The following SWT1 variants were observed in gnomAD, a reference collection of about 807,000 sequenced individuals.
SWT1 encodes the protein SWT1 RNA endoribonuclease homolog.
In SWT1, 33 loss-of-function variants were observed where a neutral mutation model predicts 107.3. That is an observed-to-expected ratio of 0.31 (90% CI 0.23 to 0.41). SWT1 has a LOEUF of 0.41. Ranked by LOEUF, SWT1 falls within the 10% of genes least tolerant of loss-of-function variation. SWT1 has a pLI of 1.00. For missense variants in SWT1, 898 were observed against 1,028.9 expected (o/e 0.87, Z 1.74); for synonymous variants, 345 against 348.3 (o/e 0.99, Z 0.11).
Position 185,231,631 on chromosome 1 carries a change from A to G in SWT1, c.2364A>G (p.Ile788Met), listed in dbSNP as rs2102570631. 1 of 1,604,390 alleles carries G rather than the reference A, an allele frequency of 6.2e-7. No individual in the cohort carries two copies. The highest frequency in any genetic ancestry group is 8.5e-7 in the Non-Finnish European group (1 of 1,171,578). Residue 788 changes from isoleucine to methionine, a missense_variant, in exon 16 of 19, where the codon ATA (isoleucine) becomes ATG (methionine). Transcript: ENST00000367500. ...ATTCAGCTCTGACTACTTCAAATAT[A>G]GCATCATTTGAAGAAGCATTTATAT... ...GSNSALTTSN[I>M]ASFEEAFICL...
chr1:185,167,613 A>G (rs769498181), intron 3 of SWT1, among the ~76,000 whole-genome samples: 5 of 152,144 alleles, frequency 3.3e-5, no homozygotes, highest in Non-Finnish European at 4.4e-5. Context: ...ATCTTTACTC[A>G]CTATTTGCCA....
chr1:185,243,402 A>ATCTG (rs1661381695), intron 16 of SWT1, among the ~76,000 whole-genome samples: 1 of 152,114 alleles, frequency 6.6e-6, no homozygotes, highest in African/African-American at 2.4e-5. Context: ...GAGCCACCAC[A>ATCTG]TCTGGCCTAG....
chr1:185,221,750 C>A, intron 14 of SWT1, 99 bp from the exon 15 acceptor site: 2 of 769,376 alleles, frequency 2.6e-6, no homozygotes, highest in Non-Finnish European at 2.0e-6. Flanking sequence ...GCCACCACTT[C>A]TCAGAAAGCT....
intron 16 of SWT1, among the ~76,000 whole-genome samples, chr1:185,242,947 G>C (rs900265576): frequency 3.3e-5 from 5 of 152,150 alleles, no homozygotes; most frequent in African/African-American, 1.2e-4. Flanking sequence ...AGAAGGGTCT[G>C]AATAAGGGCT....
At chr1:185,161,689 A>G (rs1467713045) in intron 2 of SWT1, among the ~76,000 whole-genome samples, 1 of 152,204 alleles carries the variant, frequency 6.6e-6, no homozygotes, top group Non-Finnish European at 1.5e-5. Flanking sequence ...TGACAGAGTG[A>G]GATCCTGTCT....
chr1:185,207,584 A>G (rs1355172163), intron 13 of SWT1, among the ~76,000 whole-genome samples: 1 of 152,374 alleles, frequency 6.6e-6, no homozygotes, highest in South Asian at 2.1e-4. Context: ...TTGTTCAAAT[A>G]ACTAGATTTG....
chr1:185,271,365 C>T lies in SWT1; in HGVS notation c.2484C>T (p.Leu828=), dbSNP rs1438783641. ...GTAATTATCAAGATGTTGAGACCCT[C>T]TATAACTTCCTAATCAAGTATGAGG... ...PNSNYQDVET[L]YNFLIKYEVN... is the part of the protein sequence containing the mutation. The change falls in exon 17 of 19, where the codon CTC becomes CTT. Residue 828 remains leucine (L), a synonymous_variant. Coordinates refer to ENST00000367500, the MANE Select transcript of SWT1 (RefSeq NM_017673.7). 1 of 1,510,478 alleles carries T rather than the reference C, an allele frequency of 6.6e-7. No homozygotes were observed. Among genetic ancestry groups the T allele is most frequent in the East Asian group, 2.3e-5 (1 of 44,236 alleles). 93.6% of individuals were successfully genotyped at this position (1,510,478 alleles called of 1,614,324 possible).
chr1:185,205,213 A>T (rs1658237625), intron 12 of SWT1, among the ~76,000 whole-genome samples: 1 of 152,232 alleles, frequency 6.6e-6, no homozygotes, highest in Non-Finnish European at 1.5e-5. Flanking sequence ...ATGTATTCAG[A>T]AAAAGAAGTA....
intron 16 of SWT1, chr1:185,264,388 G>T: frequency 1.0e-6 from 1 of 985,292 alleles, no homozygotes; most frequent in African/African-American, 1.7e-5. Flanking sequence ...CTTATGAGAA[G>T]AGAACAAGTC....
intron 8 of SWT1, 107 bp from the exon 9 acceptor site, chr1:185,184,636 T>C (rs1656300476): frequency 1.5e-6 from 1 of 673,602 alleles, no homozygotes; most frequent in Non-Finnish European, 2.4e-6. Flanking sequence ...GTGAATTTCC[T>C]AAAGGTAGGG....
intron 5 of SWT1, chr1:185,177,051 A>G (rs531695016): frequency 5.3e-5 from 52 of 982,624 alleles, no homozygotes; most frequent in Middle Eastern, 1.0e-3. Flanking sequence ...TGGAGGAATT[A>G]TAACTAAGGA....
At chr1:185,171,735 A>AT (rs368209579) in intron 4 of SWT1, 5,215 of 388,832 alleles carry the variant, frequency 0.013, 5 homozygotes, top group South Asian at 0.017. Context: ...CAGAAAGGGC[A>AT]TTTTTTTTTT....
chr1:185,176,347 AACAG>A (rs1360020354), intron 5 of SWT1, among the ~76,000 whole-genome samples: 32 of 151,520 alleles, frequency 2.1e-4, no homozygotes, highest in African/African-American at 7.6e-4. Flanking sequence ...GTAACATTTA[AACAG>A]ACCTAAAGAA....
intron 13 of SWT1, 145 bp from the exon 14 acceptor site, chr1:185,214,362 G>C (rs1659055971): frequency 8.0e-6 from 4 of 498,922 alleles, no homozygotes; most frequent in Non-Finnish European, 1.0e-5. Flanking sequence ...ATTGCTTTTT[G>C]TACCAGAGGG....
At chr1:185,265,673 T>C (rs1663320724) in intron 16 of SWT1, among the ~76,000 whole-genome samples, 1 of 152,236 alleles carries the variant, frequency 6.6e-6, no homozygotes. Flanking sequence ...GTTTGTTTCC[T>C]AATATGGAGT....
At chr1:185,176,160 A>G (rs749122065) in intron 5 of SWT1, among the ~76,000 whole-genome samples, 5 of 151,632 alleles carry the variant, frequency 3.3e-5, no homozygotes, top group Non-Finnish European at 7.4e-5. Flanking sequence ...TGGTGGCGTG[A>G]GTCTGTGGTC....
chr1:185,257,602 G>A (rs926709038), intron 16 of SWT1, among the ~76,000 whole-genome samples: 4 of 152,220 alleles, frequency 2.6e-5, no homozygotes, highest in African/African-American at 7.2e-5. Flanking sequence ...GACCCCTTGC[G>A]CTTCCCAAGT....
chr1:185,161,325 G>A (rs1315934791), intron 2 of SWT1, among the ~76,000 whole-genome samples: 1 of 152,150 alleles, frequency 6.6e-6, no homozygotes, highest in Non-Finnish European at 1.5e-5. Context: ...TTATCAGTCA[G>A]AATGGCCAGC....
chr1:185,284,449 A>G (rs1216386735), intron 18 of SWT1, among the ~76,000 whole-genome samples: 1 of 152,242 alleles, frequency 6.6e-6, no homozygotes, highest in Non-Finnish European at 1.5e-5. Context: ...ACCTAAGGAA[A>G]TGTTGACCTA....
Sources: gnomAD v4.1 joint callset for allele counts (sites outside exome capture counted in the v4.1 genomes callset) on GRCh38, gnomAD v4.1.1 for gene constraint, MANE v1.5 for transcripts, NCBI Gene and HGNC (gene_info 2026-07-23, HGNC 2026-07-21) for gene names.